Variants in STX8 observed in about 807,000 individuals in gnomAD.
STX8 encodes the protein syntaxin 8, also known as syntaxin-8.
STX8 carries 23 observed loss-of-function variants against 37.5 expected under a neutral mutation model. The observed-to-expected ratio is 0.61, with a 90% CI of 0.44 to 0.87. The LOEUF is 0.87. STX8 is among the 40% of genes least tolerant of loss of function. The probability of loss-of-function intolerance (pLI) is 0.00; values close to 1 mark genes in which losing one functional copy is unlikely to be tolerated. For missense variants in STX8, 313 were observed against 284.7 expected, an observed-to-expected ratio of 1.10 and a Z score of -0.71; for synonymous variants, 115 against 99.1, an observed-to-expected ratio of 1.16 and a Z score of -0.95.
chr17:9,524,582 A>G (rs1207677418), intron 4 of STX8, among the ~76,000 whole-genome samples: 1 of 152,182 alleles, frequency 6.6e-6, no homozygotes, highest in East Asian at 1.9e-4. Context: ...GGAGGACACT[A>G]CTATTCAGAC....
chr17:9,454,676 T>C (rs1905136980), intron 6 of STX8, among the ~76,000 whole-genome samples: 1 of 19,562 alleles, frequency 5.1e-5, no homozygotes, highest in Admixed American at 5.7e-4. Flanking sequence ...CGAGACTGTC[T>C]CAAAAAAAAA....
At chr17:9,559,341 A>G (rs1907114035) in intron 2 of STX8, among the ~76,000 whole-genome samples, 1 of 152,202 alleles carries the variant, frequency 6.6e-6, no homozygotes. Context: ...AAAAAATATT[A>G]GCAAAGCAAA....
intron 7 of STX8, among the ~76,000 whole-genome samples, chr17:9,279,075 T>C (rs1012483070): frequency 7.9e-5 from 12 of 151,974 alleles, no homozygotes; most frequent in Admixed American, 5.9e-4. Flanking sequence ...TTTGTTTTTT[T>C]TTTTTGAGAT....
At chr17:9,440,871 G>A (rs775722639) in intron 6 of STX8, among the ~76,000 whole-genome samples, 1 of 152,038 alleles carries the variant, frequency 6.6e-6, no homozygotes, top group Non-Finnish European at 1.5e-5. Context: ...ACAGTCTTCA[G>A]TAATTTCCCA....
intron 6 of STX8, among the ~76,000 whole-genome samples, chr17:9,449,629 G>A (rs1041258056): frequency 6.6e-6 from 1 of 152,014 alleles, no homozygotes; most frequent in Non-Finnish European, 1.5e-5. Flanking sequence ...ACAATAAAAA[G>A]GCACAAACTA....
chr17:9,418,054 T>C (rs753581041), intron 6 of STX8, among the ~76,000 whole-genome samples: 2 of 152,138 alleles, frequency 1.3e-5, no homozygotes, highest in African/African-American at 2.4e-5. Context: ...GAACCTCCAG[T>C]TTGTAGCCAC....
At chr17:9,553,236 G>C (rs1035796680) in intron 3 of STX8, 1 of 152,190 alleles carries the variant, frequency 6.6e-6, no homozygotes. Context: ...GTGAACAGAT[G>C]TTAAGGTCTT....
intron 6 of STX8, among the ~76,000 whole-genome samples, chr17:9,383,842 TA>T (rs1911901018): frequency 6.6e-6 from 1 of 151,902 alleles, no homozygotes; most frequent in African/African-American, 2.4e-5. Flanking sequence ...AAAATAAAAG[TA>T]AAAAAATCCA....
intron 6 of STX8, among the ~76,000 whole-genome samples, chr17:9,424,001 G>C (rs1022827652): frequency 2.0e-5 from 3 of 152,118 alleles, no homozygotes; most frequent in African/African-American, 4.8e-5. Flanking sequence ...TGACAGGTTG[G>C]TTTGTAGGGT....
rs71135969 is a variant in STX8, at chr17:9,349,729, G to GTCTC, written c.643+28819_643+28822dup. Among the ~76,000 whole-genome samples, 111 of 148,662 alleles carry GTCTC rather than the reference G, an allele frequency of 7.5e-4. 1 individual carries two copies. Among genetic ancestry groups the GTCTC allele is most frequent in the East Asian group, 2.4e-3 (12 of 5,074 alleles). On this transcript the variant is annotated intron_variant, in intron 7 of 7. Transcript: ENST00000306357. The stretch of plus-strand genomic sequence containing the variant: ...CCGTAATAAAAGTTATGTGAATGTG[G>GTCTC]TCTCTCTCTCTCTCTCTCTCTCAAC...
intron 7 of STX8, among the ~76,000 whole-genome samples, chr17:9,258,264 G>A (rs1207178034): frequency 1.3e-5 from 2 of 152,238 alleles, no homozygotes; most frequent in African/African-American, 2.4e-5. Flanking sequence ...ATAAGCAGGA[G>A]AAGAGACAAA....
At chr17:9,557,561 A>G (rs754895573) in intron 2 of STX8, 33 bp from the exon 3 acceptor site, 1 of 1,582,982 alleles carries the variant, frequency 6.3e-7, no homozygotes, top group South Asian at 1.1e-5. Context: ...TAAGTATTCT[A>G]GTCCAGAATG....
At chr17:9,411,208 T>G (rs189098547) in intron 6 of STX8, among the ~76,000 whole-genome samples, 4 of 152,330 alleles carry the variant, frequency 2.6e-5, no homozygotes, top group Admixed American at 2.0e-4. Flanking sequence ...TGGTGGTCAG[T>G]AACACCCAGA....
At chr17:9,319,154 A>G (rs2142201827) in intron 7 of STX8, among the ~76,000 whole-genome samples, 1 of 152,314 alleles carries the variant, frequency 6.6e-6, no homozygotes, top group African/African-American at 2.4e-5. Flanking sequence ...GTGCATTAAA[A>G]ACTAAAGAAA....
chr17:9,535,582 G>A (rs1288320604), intron 4 of STX8, among the ~76,000 whole-genome samples: 3 of 151,454 alleles, frequency 2.0e-5, no homozygotes, highest in African/African-American at 4.8e-5. Flanking sequence ...ACAGGCACCC[G>A]CCACCACGCC....
At chr17:9,268,911 G>A (rs1321997964) in intron 7 of STX8, among the ~76,000 whole-genome samples, 1 of 152,220 alleles carries the variant, frequency 6.6e-6, no homozygotes, top group African/African-American at 2.4e-5. Context: ...GGCCAGGCCG[G>A]GTGCAGTGGC....
chr17:9,519,851 G>A lies in STX8; in HGVS notation c.324-14689C>T, dbSNP rs183551471. Among the ~76,000 whole-genome samples the A allele has an allele frequency of 1.8e-3, 262 of 148,782 alleles. 1 individual carries two copies. Among genetic ancestry groups the A allele is most frequent in the Middle Eastern group, 6.8e-3 (2 of 292 alleles). ...GCAAAATTCTATTCATTCCCCTAAG[G>A]TTCAACTCAAATGTCAATTCTGCTG... On this transcript the variant is annotated intron_variant, in intron 4 of 7. Transcript: ENST00000306357.
chr17:9,374,685 A>G (rs1911524735), intron 7 of STX8, among the ~76,000 whole-genome samples: 1 of 152,226 alleles, frequency 6.6e-6, no homozygotes, highest in South Asian at 2.1e-4. Context: ...TTGTTGATCC[A>G]TAATACTGAT....
chr17:9,501,162 T>A (rs1167651751), intron 5 of STX8, among the ~76,000 whole-genome samples: 1 of 152,192 alleles, frequency 6.6e-6, no homozygotes, highest in Non-Finnish European at 1.5e-5. Context: ...AAAAATTCAA[T>A]GTAATCCCAA....
Sources: gnomAD v4.1 joint callset for allele counts (sites outside exome capture counted in the v4.1 genomes callset) on GRCh38, gnomAD v4.1.1 for gene constraint, MANE v1.5 for transcripts, NCBI Gene and HGNC (gene_info 2026-07-23, HGNC 2026-07-21) for gene names.